The following SLC49A4 variants were observed in gnomAD, a reference collection of about 807,000 sequenced individuals.
SLC49A4 encodes disrupted in renal cancer protein 2.
A neutral mutation model predicts 50.6 loss-of-function variants in SLC49A4; 36 were observed. The observed-to-expected ratio is 0.71, with a 90% CI of 0.55 to 0.94. The LOEUF is 0.94. Among genes scored for constraint, SLC49A4 ranks in the 40% least tolerant of loss-of-function variants. The pLI is 0.00. For missense variants in SLC49A4, 503 were observed against 605.7 expected, an observed-to-expected ratio of 0.83 and a Z score of 1.78; for synonymous variants, 248 against 241.2, an observed-to-expected ratio of 1.03 and a Z score of -0.26.
intron 5 of SLC49A4, among the ~76,000 whole-genome samples, chr3:122,847,881 C>T (rs938184357): frequency 6.6e-6 from 1 of 152,160 alleles, no homozygotes; most frequent in East Asian, 1.9e-4. Flanking sequence ...AATATGTTAT[C>T]TTGTACAACT....
chr3:122,877,254 C>T (rs1230151038), intron 8 of SLC49A4, among the ~76,000 whole-genome samples: 1 of 152,150 alleles, frequency 6.6e-6, no homozygotes, highest in Non-Finnish European at 1.5e-5. Flanking sequence ...TCCCCTATCT[C>T]TGACTTTTTG....
At chr3:122,875,445 GC>G (rs1203289293) in intron 8 of SLC49A4, among the ~76,000 whole-genome samples, 3 of 152,128 alleles carry the variant, frequency 2.0e-5, no homozygotes, top group Non-Finnish European at 2.9e-5. Flanking sequence ...TGGCCTCCCA[GC>G]CTCAAGTGAT....
chr3:122,818,715 G>A (rs905571126), intron 2 of SLC49A4, among the ~76,000 whole-genome samples: 8 of 152,112 alleles, frequency 5.3e-5, no homozygotes, highest in African/African-American at 1.9e-4. Flanking sequence ...AGGCTGAGGT[G>A]GGTGGATTGC....
At chr3:122,869,938 T>C (rs1339241759) in intron 7 of SLC49A4, among the ~76,000 whole-genome samples, 4 of 152,186 alleles carry the variant, frequency 2.6e-5, no homozygotes, top group Non-Finnish European at 5.9e-5. Context: ...CCATGCTTGA[T>C]TTAAAAAATC....
At chr3:122,857,284 T>TAAA (rs10694942) in intron 6 of SLC49A4, among the ~76,000 whole-genome samples, 1,364 of 108,720 alleles carry the variant, frequency 0.013, 16 homozygotes, top group South Asian at 0.023. Context: ...CCATTCGTTC[T>TAAA]AAAAAAAAAA....
chr3:122,796,714 G>C (rs368122538), intron 1 of SLC49A4, among the ~76,000 whole-genome samples: 1 of 152,062 alleles, frequency 6.6e-6, no homozygotes, highest in African/African-American at 2.4e-5. Context: ...CATTTTGAGG[G>C]TTAAGATTTC....
At chr3:122,812,544 T>G (rs1936312979) in intron 2 of SLC49A4, among the ~76,000 whole-genome samples, 1 of 152,210 alleles carries the variant, frequency 6.6e-6, no homozygotes, top group Admixed American at 6.5e-5. Context: ...TCCCACTTAG[T>G]TAGGCTCTTG....
chr3:122,820,969 G>A (rs1425140076), intron 2 of SLC49A4, among the ~76,000 whole-genome samples: 1 of 152,258 alleles, frequency 6.6e-6, no homozygotes, highest in African/African-American at 2.4e-5. Context: ...CCACATGTGG[G>A]AGAGACCTGG....
At chr3:122,815,642 A>G (rs1009155802) in intron 2 of SLC49A4, among the ~76,000 whole-genome samples, 1 of 152,230 alleles carries the variant, frequency 6.6e-6, no homozygotes, top group Non-Finnish European at 1.5e-5. Context: ...CAATGGAGAA[A>G]ACTCAAAGTC....
At chr3:122,832,905 T>TA (rs1184581451) in intron 3 of SLC49A4, among the ~76,000 whole-genome samples, 1 of 152,138 alleles carries the variant, frequency 6.6e-6, no homozygotes, top group African/African-American at 2.4e-5. Flanking sequence ...ACTCAGTTGA[T>TA]ACTTAGTAAA....
intron 2 of SLC49A4, among the ~76,000 whole-genome samples, chr3:122,824,730 CTTTT>C (rs71621693): frequency 1.2e-5 from 1 of 82,918 alleles, no homozygotes; most frequent in Non-Finnish European, 2.4e-5. Context: ...TTTTTTCCTT[CTTTT>C]TTTTTTTTTT....
chr3:122,825,687 G>T (rs1237971703), intron 2 of SLC49A4, among the ~76,000 whole-genome samples: 4 of 140,952 alleles, frequency 2.8e-5, no homozygotes, highest in African/African-American at 1.0e-4. Flanking sequence ...AGCAAAACAA[G>T]CAGAAGAAAA....
At chr3:122,851,922 T>C in intron 5 of SLC49A4, among the ~76,000 whole-genome samples, 2 of 152,134 alleles carry the variant, frequency 1.3e-5, no homozygotes. Context: ...ATTTCAGTTT[T>C]CAACTGTGTC....
chr3:122,819,065 A>G (rs138638223), intron 2 of SLC49A4, among the ~76,000 whole-genome samples: 1 of 151,928 alleles, frequency 6.6e-6, no homozygotes, highest in Non-Finnish European at 1.5e-5. Context: ...CCTGGGTAAC[A>G]TAGCAAGACC....
intron 1 of SLC49A4, among the ~76,000 whole-genome samples, chr3:122,804,570 G>C (rs1159103003): frequency 6.6e-6 from 1 of 152,192 alleles, no homozygotes; most frequent in Non-Finnish European, 1.5e-5. Flanking sequence ...CATCAGCTGG[G>C]ATAGATTAAA....
chr3:122,830,299 A>G (rs545010267), intron 3 of SLC49A4, among the ~76,000 whole-genome samples: 5 of 152,356 alleles, frequency 3.3e-5, no homozygotes, highest in Admixed American at 2.6e-4. Flanking sequence ...CCTTTGTTGC[A>G]GAAATCGACA....
rs759725049 is a variant in SLC49A4 at position 122,795,548 on chromosome 3, G to A, written c.343+13G>A. 2 of 1,579,086 alleles carry A rather than the reference G, an allele frequency of 1.3e-6. No homozygotes were observed. Among genetic ancestry groups the A allele is most frequent in the Admixed American group, 1.8e-5 (1 of 56,378 alleles). Reference sequence around the variant, plus strand: ...CTGGACAAGAGAGGTGAGGGGTCGCGGAGCGCCAGCCCGCGCTGTCTCTCC... The same window carrying A: ...CTGGACAAGAGAGGTGAGGGGTCGCAGAGCGCCAGCCCGCGCTGTCTCTCC... On this transcript the variant is annotated intron_variant, in intron 1 of 8. Transcript: ENST00000261038.
chr3:122,845,793 A>C lies in SLC49A4; in HGVS notation c.864A>C (p.Ala288=). The change falls in exon 5 of 9, where the codon GCA becomes GCC. Residue 288 remains alanine (A), a synonymous_variant. Coordinates refer to ENST00000261038, the MANE Select transcript of SLC49A4 (RefSeq NM_032839.3). ...TTCGATTTTTGATGATTGCTTTAGC[A>C]TATGCCATACCACTTGGTGTATTTG... The part of the protein sequence containing the change: ...SNFRFLMIAL[A]YAIPLGVFAG... 6.2e-7 allele frequency: 1 copy of C among 1,610,738 alleles called. No homozygotes were observed. The highest frequency in any genetic ancestry group is 8.5e-7 in the Non-Finnish European group (1 of 1,178,550).
chr3:122,872,682 G>T, intron 8 of SLC49A4, 85 bp downstream of exon 8: 1 of 935,946 alleles, frequency 1.1e-6, no homozygotes. Flanking sequence ...TTTATATGGA[G>T]AAGTCTCACC....
Sources: allele counts gnomAD v4.1 joint callset (sites outside exome capture counted in the v4.1 genomes callset), GRCh38; gene constraint gnomAD v4.1.1; transcripts MANE v1.5; gene names NCBI Gene and HGNC (gene_info 2026-07-23, HGNC 2026-07-21).